Variants in PCBD2 observed in about 807,000 individuals in gnomAD.
The protein encoded by PCBD2 is pterin-4-alpha-carbinolamine dehydratase 2.
In PCBD2, 12 loss-of-function variants were observed where a neutral mutation model predicts 16.4. The ratio of observed to expected loss-of-function variants is 0.73; its 90% confidence interval spans 0.47 to 1.19. PCBD2 has a LOEUF of 1.19. Ranked by LOEUF, PCBD2 falls within the 50% of genes most tolerant of loss-of-function variation. The probability of loss-of-function intolerance (pLI) is 0.00; values close to 1 mark genes in which losing one functional copy is unlikely to be tolerated. For synonymous variants in PCBD2, 58 were observed against 61.8 expected (o/e 0.94, Z 0.29); for missense variants, 138 against 156.8 (o/e 0.88, Z 0.64).
At chr5:134,921,069 G>C (rs1020849175) in intron 2 of PCBD2, among the ~76,000 whole-genome samples, 7 of 152,250 alleles carry the variant, frequency 4.6e-5, no homozygotes, top group African/African-American at 1.7e-4. Context: ...CCCCAGGCTG[G>C]CTGGGCCAGG....
intron 2 of PCBD2, among the ~76,000 whole-genome samples, chr5:134,945,218 G>C (rs1420235644): frequency 6.6e-6 from 1 of 152,164 alleles, no homozygotes; most frequent in Admixed American, 6.5e-5. Flanking sequence ...TTGCCCTGAT[G>C]GTTTAGAGCC....
intron 2 of PCBD2, among the ~76,000 whole-genome samples, chr5:134,911,702 TG>T (rs1342518011): frequency 6.6e-6 from 1 of 152,218 alleles, no homozygotes; most frequent in Non-Finnish European, 1.5e-5. Context: ...TAAATGTCAT[TG>T]GCTCCACTGA....
intron 2 of PCBD2, chr5:134,926,264 A>G: frequency 3.0e-6 from 1 of 337,022 alleles, no homozygotes. Context: ...GCCCAGTGTC[A>G]GTTTGAGATA....
intron 2 of PCBD2, among the ~76,000 whole-genome samples, chr5:134,944,932 A>G (rs1221692370): frequency 6.6e-6 from 1 of 152,244 alleles, no homozygotes; most frequent in Non-Finnish European, 1.5e-5. Flanking sequence ...ATTGTGTCCC[A>G]ACAGGACATA....
chr5:134,947,638 C>T (rs911212668), intron 2 of PCBD2, among the ~76,000 whole-genome samples: 19 of 151,702 alleles, frequency 1.3e-4, no homozygotes, highest in Non-Finnish European at 2.2e-4. Flanking sequence ...CCACCCGCCT[C>T]GGCCTCCCAA....
intron 2 of PCBD2, among the ~76,000 whole-genome samples, chr5:134,914,158 C>T (rs1039509775): frequency 9.9e-5 from 15 of 151,964 alleles, no homozygotes; most frequent in African/African-American, 3.1e-4. Flanking sequence ...GGAGGCACAG[C>T]GATGATATGT....
intron 3 of PCBD2, 137 bp downstream of exon 3, chr5:134,959,257 A>T: frequency 1.6e-6 from 1 of 614,460 alleles, no homozygotes; most frequent in South Asian, 2.4e-5. Flanking sequence ...CCTGTGTATT[A>T]TTGCAAATTA....
rs1463668278 is a variant in PCBD2 at position 134,910,438 on chromosome 5, A to G, written c.188A>G (p.Lys63Arg). The G allele has an allele frequency of 1.2e-6, 2 of 1,614,206 alleles. No homozygotes were observed. Among genetic ancestry groups the G allele is most frequent in the South Asian group, 2.2e-5 (2 of 91,088 alleles). ...TTAAGTGAGAGAGATGCCATCTACAAAGAATTCTCCTTCCACAATTTTAAT... is the reference window on the plus strand; with the variant it reads ...TTAAGTGAGAGAGATGCCATCTACAGAGAATTCTCCTTCCACAATTTTAAT... ...SELSERDAIY[K>R]EFSFHNFNQA... Residue 63 changes from lysine to arginine, a missense_variant, in exon 2 of 4, where the codon AAA becomes AGA. Transcript: ENST00000254908.
intron 2 of PCBD2, among the ~76,000 whole-genome samples, chr5:134,929,992 C>T (rs1751073133): frequency 6.6e-6 from 1 of 152,212 alleles, no homozygotes; most frequent in Non-Finnish European, 1.5e-5. Context: ...TCGTTCCCAG[C>T]CCAGCCTTGT....
At chr5:134,955,111 G>A (rs946590671) in intron 2 of PCBD2, among the ~76,000 whole-genome samples, 2 of 151,378 alleles carry the variant, frequency 1.3e-5, no homozygotes, top group African/African-American at 4.9e-5. Context: ...TTAATCTTCC[G>A]AGTTTAACTT....
intron 2 of PCBD2, among the ~76,000 whole-genome samples, chr5:134,939,971 T>C (rs558179385): frequency 1.6e-4 from 25 of 152,114 alleles, no homozygotes; most frequent in African/African-American, 6.0e-4. Flanking sequence ...GGCACTTTTT[T>C]CCTTATGTTG....
intron 2 of PCBD2, among the ~76,000 whole-genome samples, chr5:134,921,574 T>C (rs1404058131): frequency 6.6e-6 from 1 of 152,120 alleles, no homozygotes; most frequent in Non-Finnish European, 1.5e-5. Context: ...TGTGGCGTAC[T>C]CTCCTGGGGT....
In PCBD2 at chr5:134,962,072, T is replaced by TTGTG. The variant is rs58911694; in HGVS notation, c.*1423_*1426dup. Among the ~76,000 whole-genome samples, 10,121 of 140,512 alleles carry TTGTG rather than the reference T, an allele frequency of 0.072. 377 individuals are homozygous for TTGTG. Among genetic ancestry groups the TTGTG allele is most frequent in the Non-Finnish European group, 0.097 (6,265 of 64,884 alleles). 92.2% of individuals were successfully genotyped at this position (140,512 alleles called of 152,430 possible). A position where few individuals can be genotyped will look rare whatever the true frequency, so the allele number is the denominator to read the frequency against. On this transcript the variant is annotated 3_prime_UTR_variant, in exon 4 of 4. Coordinates refer to ENST00000254908, the MANE Select transcript of PCBD2 (RefSeq NM_032151.5). Reference sequence around the variant, plus strand: ...CATTGCCCCCAGCCAGTATAACAGTTTGTGTGTGTGTGTGTGTGTGTGTGT... The same window carrying TTGTG: ...CATTGCCCCCAGCCAGTATAACAGTTTGTGTGTGTGTGTGTGTGTGTGTGTGTGT...
chr5:134,908,571 A>G (rs1179521651), intron 1 of PCBD2, among the ~76,000 whole-genome samples: 3 of 151,468 alleles, frequency 2.0e-5, no homozygotes, highest in African/African-American at 7.3e-5. Flanking sequence ...AGGCTGAGGC[A>G]GAAGAGTCGC....
chr5:134,936,810 G>T (rs1425691755), intron 2 of PCBD2, among the ~76,000 whole-genome samples: 1 of 152,172 alleles, frequency 6.6e-6, no homozygotes, highest in African/African-American at 2.4e-5. Context: ...TTAGAAGGTT[G>T]ATTTTGAGAA....
At chr5:134,915,302 G>A (rs774574016) in intron 2 of PCBD2, among the ~76,000 whole-genome samples, 14 of 151,994 alleles carry the variant, frequency 9.2e-5, no homozygotes, top group African/African-American at 1.2e-4. Flanking sequence ...GTGACAAAGC[G>A]AGACTGTGTC....
At chr5:134,939,155 A>G (rs1483185375) in intron 2 of PCBD2, among the ~76,000 whole-genome samples, 1 of 152,162 alleles carries the variant, frequency 6.6e-6, no homozygotes, top group Non-Finnish European at 1.5e-5. Flanking sequence ...ATTGAATAGT[A>G]TATTTTGAAA....
At chr5:134,946,402 T>C (rs1368569641) in intron 2 of PCBD2, among the ~76,000 whole-genome samples, 1 of 152,150 alleles carries the variant, frequency 6.6e-6, no homozygotes, top group East Asian at 1.9e-4. Context: ...CTGGCAGGCT[T>C]TTTTCTTCCA....
At chr5:134,915,436 ATTTT>A (rs760173801) in intron 2 of PCBD2, among the ~76,000 whole-genome samples, 3 of 114,206 alleles carry the variant, frequency 2.6e-5, no homozygotes, top group East Asian at 2.5e-4. Context: ...TGGGCCTCTA[ATTTT>A]TTTTTTTTTT....
Sources: gnomAD v4.1 joint callset for allele counts (sites outside exome capture counted in the v4.1 genomes callset) on GRCh38, gnomAD v4.1.1 for gene constraint, MANE v1.5 for transcripts, NCBI Gene and HGNC (gene_info 2026-07-23, HGNC 2026-07-21) for gene names.